The following CPM variants were observed in gnomAD, a reference collection of about 807,000 sequenced individuals.
CPM encodes the protein carboxypeptidase M.
CPM carries 35 observed loss-of-function variants against 46.4 expected under a neutral mutation model. That is an observed-to-expected ratio of 0.75 (90% CI 0.58 to 1.00). The LOEUF (loss-of-function observed/expected upper bound fraction) is 1.00, where lower values mean the gene tolerates loss of function less well. Among genes scored for constraint, CPM ranks in the 50% least tolerant of loss-of-function variants. The probability of loss-of-function intolerance (pLI) is 0.00; values close to 1 mark genes in which losing one functional copy is unlikely to be tolerated. For synonymous variants in CPM, 195 were observed against 195.3 expected (o/e 1.00, Z 0.01); for missense variants, 422 against 530.4 (o/e 0.80, Z 2.01).
intron 6 of CPM, among the ~76,000 whole-genome samples, chr12:68,868,793 A>G (rs1885567104): frequency 6.6e-6 from 1 of 151,962 alleles, no homozygotes. Flanking sequence ...TCTCTTTACA[A>G]ACTGCAAGAT....
chr12:68,936,922 A>G (rs151080742), upstream of CPM, among the ~76,000 whole-genome samples: 203 of 152,358 alleles, frequency 1.3e-3, 1 homozygote, highest in African/African-American at 4.7e-3. Context: ...CAGTAACACA[A>G]ATAGCTAATA....
At chr12:68,893,482 C>G (rs569095690) in intron 2 of CPM, among the ~76,000 whole-genome samples, 1 of 152,312 alleles carries the variant, frequency 6.6e-6, no homozygotes, top group East Asian at 1.9e-4. Context: ...ACAGGGGAAC[C>G]TGTCAAGGAA....
At chr12:68,941,877 T>A (rs1034007151) in intron 1 of CPM, among the ~76,000 whole-genome samples, 6 of 152,220 alleles carry the variant, frequency 3.9e-5, no homozygotes, top group African/African-American at 1.4e-4. Context: ...AAAAGGAAAG[T>A]GACCTTGCAA....
At chr12:68,909,801 C>G (rs527698310) in intron 2 of CPM, among the ~76,000 whole-genome samples, 32 of 126,432 alleles carry the variant, frequency 2.5e-4, no homozygotes, top group Non-Finnish European at 4.1e-4. Context: ...CACATGGACA[C>G]AGGGAGGGAA....
chr12:68,859,839 T>A (rs1885133271), intron 7 of CPM, among the ~76,000 whole-genome samples: 1 of 152,196 alleles, frequency 6.6e-6, no homozygotes. Context: ...AAAAAGCCAT[T>A]TATATTTTAA....
At chr12:68,880,877 G>A (rs565145941) in intron 3 of CPM, among the ~76,000 whole-genome samples, 62 of 152,334 alleles carry the variant, frequency 4.1e-4, no homozygotes, top group African/African-American at 1.4e-3. Flanking sequence ...GTGGCATAGT[G>A]AGCCTGTGCC....
chr12:68,847,196 T>TTATATATATATATGTATATATATATA (rs1884367358), downstream of CPM: 1 of 92,080 alleles, frequency 1.1e-5, no homozygotes, highest in Non-Finnish European at 2.1e-5. Context: ...TGTGTGTACA[T>TTATATATATATATGTATATATATATA]TATATATATA....
chr12:68,939,232 A>G (rs1565807129), intron 1 of CPM, among the ~76,000 whole-genome samples: 1 of 146,924 alleles, frequency 6.8e-6, no homozygotes, highest in Non-Finnish European at 1.5e-5. Flanking sequence ...ATACATATAG[A>G]CATCATATAT....
At chr12:68,872,958 T>C (rs1206643584) in intron 3 of CPM, among the ~76,000 whole-genome samples, 1 of 152,216 alleles carries the variant, frequency 6.6e-6, no homozygotes, top group Non-Finnish European at 1.5e-5. Context: ...ACTTGCTTTA[T>C]AATCCCTCCC....
In CPM at chr12:68,854,606, A is replaced by G. The variant is rs1242257004; in HGVS notation, c.*1831T>C. On this transcript the variant is annotated 3_prime_UTR_variant, in exon 9 of 9. Transcript: ENST00000551568. ...AAGAGGGGTAGGAAAGAAAAAATGT[A>G]GTGGGTCATAATGGCATTCCAGATA... is the stretch of plus-strand genomic sequence containing the variant. The G allele has an allele frequency of 1.3e-5, 2 of 152,200 alleles. No homozygotes were observed. The highest frequency in any genetic ancestry group is 2.9e-5 in the Non-Finnish European group (2 of 68,054). 9.4% of individuals were successfully genotyped at this position (152,200 alleles called of 1,614,324 possible).
chr12:68,946,480 G>T (rs552916941), intron 1 of CPM, among the ~76,000 whole-genome samples: 1 of 152,212 alleles, frequency 6.6e-6, no homozygotes, highest in South Asian at 2.1e-4. Flanking sequence ...TGAATTGAAT[G>T]AATTCCTCAT....
Position 68,862,226 on chromosome 12 carries a change from A to G in CPM, c.941-3155T>C, listed in dbSNP as rs1885247679. Among the ~76,000 whole-genome samples, 2 of 138,892 alleles carry G rather than the reference A, an allele frequency of 1.4e-5. 1 individual carries two copies. Among genetic ancestry groups the G allele is most frequent in the Non-Finnish European group, 3.1e-5 (2 of 63,782 alleles). 91.1% of individuals were successfully genotyped at this position (138,892 alleles called of 152,430 possible). A position where few individuals can be genotyped will look rare whatever the true frequency, so the allele number is the denominator to read the frequency against. ...GACCCTCATTCGTCATCCCCTAATA[A>G]CCCAAAGATTCACTTTCTTTTTTTT... On this transcript the variant is annotated intron_variant, in intron 7 of 8. Transcript: ENST00000551568.
At chr12:68,865,927 G>A (rs1272695967) in intron 7 of CPM, among the ~76,000 whole-genome samples, 4 of 152,112 alleles carry the variant, frequency 2.6e-5, no homozygotes, top group African/African-American at 9.7e-5. Context: ...CAGAAACTCC[G>A]GGTTGGGGCC....
At chr12:68,915,489 C>G (rs1887766886) in intron 2 of CPM, among the ~76,000 whole-genome samples, 1 of 152,232 alleles carries the variant, frequency 6.6e-6, no homozygotes, top group African/African-American at 2.4e-5. Context: ...CTCCATCTCT[C>G]TGCCTGGTAA....
intron 1 of CPM, among the ~76,000 whole-genome samples, chr12:68,950,274 C>T (rs17813215): frequency 0.16 from 24,676 of 152,014 alleles, 2,098 homozygotes; most frequent in Middle Eastern, 0.2. Context: ...TATCTTCATT[C>T]GCCCAATGCG....
chr12:68,922,834 C>G (rs551891551), intron 2 of CPM, among the ~76,000 whole-genome samples: 1 of 152,280 alleles, frequency 6.6e-6, no homozygotes, highest in South Asian at 2.1e-4. Context: ...AACCTCTTCA[C>G]AAACTACTAT....
intron 2 of CPM, among the ~76,000 whole-genome samples, chr12:68,923,562 T>C (rs1229354215): frequency 6.6e-6 from 1 of 152,222 alleles, no homozygotes; most frequent in Non-Finnish European, 1.5e-5. Context: ...ACTTCTATTT[T>C]ATCATGCTGG....
chr12:68,927,010 GC>G (rs1263390175), intron 2 of CPM, among the ~76,000 whole-genome samples: 2 of 152,148 alleles, frequency 1.3e-5, no homozygotes, highest in Non-Finnish European at 2.9e-5. Flanking sequence ...TGTGAATAGT[GC>G]CGCAATAAAC....
intron 2 of CPM, among the ~76,000 whole-genome samples, chr12:68,890,598 T>A (rs1396713153): frequency 6.7e-6 from 1 of 149,204 alleles, no homozygotes; most frequent in African/African-American, 2.5e-5. Flanking sequence ...TCCCTGAAAG[T>A]ACTAGACAGG....
Sources: gnomAD v4.1 joint callset for allele counts (sites outside exome capture counted in the v4.1 genomes callset) on GRCh38, gnomAD v4.1.1 for gene constraint, MANE v1.5 for transcripts, NCBI Gene and HGNC (gene_info 2026-07-23, HGNC 2026-07-21) for gene names.